Variants in PCSK5 observed in about 807,000 individuals in gnomAD.
PCSK5 encodes the protein prohormone convertase 5.
PCSK5 carries 129 observed loss-of-function variants against 233.2 expected under a neutral mutation model. The observed-to-expected ratio is 0.55, with a 90% confidence interval of 0.48 to 0.64. The LOEUF (loss-of-function observed/expected upper bound fraction) is 0.64, where lower values mean the gene tolerates loss of function less well. Among genes scored for constraint, PCSK5 ranks in the 30% least tolerant of loss-of-function variants. The pLI is 0.00. For missense variants in PCSK5, 2,076 were observed against 2,430.1 expected, an observed-to-expected ratio of 0.85 and a Z score of 3.06; for synonymous variants, 825 against 879.2, an observed-to-expected ratio of 0.94 and a Z score of 1.09.
intron 10 of PCSK5, among the ~76,000 whole-genome samples, chr9:76,136,399 C>A (rs1017833441): frequency 6.6e-6 from 1 of 151,954 alleles, no homozygotes; most frequent in Non-Finnish European, 1.5e-5. Flanking sequence ...GAAATAACAT[C>A]TGAAAGAACA....
intron 26 of PCSK5, among the ~76,000 whole-genome samples, 158 bp from the exon 27 acceptor site, chr9:76,296,507 C>T (rs562751743): frequency 3.3e-5 from 5 of 152,262 alleles, no homozygotes; most frequent in African/African-American, 1.2e-4. Context: ...CATGCCACTG[C>T]ACTTTAGCCT....
rs550518074 is a variant in PCSK5 at position 75,994,400 on chromosome 9, CTTTTTTTTTTTTTTTTTTTTTTT to C, written c.411+8175_411+8197del. ...GTTTCTTTCTTTTCTTTCTTTCTTT[CTTTTTTTTTTTTTTTTTTTTTTT>C]TTTTTTTTTTTTTTTTTTTGAGATG... On this transcript the variant is annotated intron_variant, in intron 3 of 37. Coordinates refer to ENST00000674117, the MANE Select transcript of PCSK5 (RefSeq NM_001372043.1). Among the ~76,000 whole-genome samples the C allele has an allele frequency of 1.8e-3, 147 of 82,036 alleles. 9 individuals carry two copies. In the Middle Eastern group the frequency reaches 0.019, roughly 10 times the overall value. The allele number at this position is 82,036 out of a possible 152,430, so 53.8% of individuals were successfully genotyped here. A position where few individuals can be genotyped will look rare whatever the true frequency, so the allele number is the denominator to read the frequency against.
intron 20 of PCSK5, among the ~76,000 whole-genome samples, chr9:76,196,463 G>A (rs1421750137): frequency 6.6e-6 from 1 of 152,236 alleles, no homozygotes; most frequent in Non-Finnish European, 1.5e-5. Context: ...AACAGCAGTG[G>A]AGTATAGATC....
At chr9:76,156,916 T>G in intron 10 of PCSK5, 129 bp from the exon 11 acceptor site, 1 of 687,630 alleles carries the variant, frequency 1.5e-6, no homozygotes, top group Admixed American at 2.2e-5. Flanking sequence ...TTTGCTGGAT[T>G]TATTTCTCAA....
Position 76,071,776 on chromosome 9 carries a change from G to T in PCSK5, c.772G>T (p.Val258Phe). ...CACGGACATGGTTGAAGCAAAATCA[G>T]TTAGCTTCAACCCCCAGCACGTGCA... ...DVTDMVEAKS[V>F]SFNPQHVHIY... Residue 258 changes from valine (V) to phenylalanine (F), a missense_variant, in exon 7 of 38, where the codon GTT (valine) becomes TTT (phenylalanine). Val to Phe is a conservative substitution (Grantham distance 50). Around this residue, in one of 6 missense-constraint regions of PCSK5, gnomAD observed 178 missense variants for 393.6 expected, o/e 0.45. Transcript: ENST00000674117. 6.2e-7 allele frequency: 1 copy of T among 1,614,074 alleles called. No individual in the cohort carries two copies. The highest frequency in any genetic ancestry group is 8.5e-7 in the Non-Finnish European group (1 of 1,179,976).
At chr9:76,044,176 C>T (rs771366494) in intron 5 of PCSK5, among the ~76,000 whole-genome samples, 8 of 151,992 alleles carry the variant, frequency 5.3e-5, no homozygotes, top group Non-Finnish European at 7.4e-5. Flanking sequence ...ATTAGACCAA[C>T]GTAAGGAACA....
At chr9:76,103,072 TG>T (rs1446307984) in intron 8 of PCSK5, among the ~76,000 whole-genome samples, 11 of 152,260 alleles carry the variant, frequency 7.2e-5, no homozygotes, top group Admixed American at 6.5e-4. Context: ...CAGTCATGAC[TG>T]AATTTTACAC....
At chr9:75,916,197 C>T (rs572012167) in intron 1 of PCSK5, among the ~76,000 whole-genome samples, 4 of 152,156 alleles carry the variant, frequency 2.6e-5, no homozygotes, top group Admixed American at 1.3e-4. Flanking sequence ...ACTCCAAGAA[C>T]GAATATGTAC....
At chr9:76,351,838 G>A (rs1371300710) in intron 36 of PCSK5, among the ~76,000 whole-genome samples, 1 of 151,800 alleles carries the variant, frequency 6.6e-6, no homozygotes, top group Admixed American at 6.6e-5. Flanking sequence ...CCTGGGCTCA[G>A]GTGATCCTCC....
chr9:76,191,683 C>T (rs930888251), intron 20 of PCSK5, among the ~76,000 whole-genome samples: 1 of 152,104 alleles, frequency 6.6e-6, no homozygotes, highest in African/African-American at 2.4e-5. Context: ...GTTTTCTCGC[C>T]AGGGCTGATT....
chr9:76,168,597 T>G (rs1823189762), intron 12 of PCSK5, among the ~76,000 whole-genome samples: 1 of 152,184 alleles, frequency 6.6e-6, no homozygotes. Flanking sequence ...AGGAAGAGAT[T>G]TTAAACTGCA....
chr9:76,311,905 G>A (rs1828874935), intron 30 of PCSK5, among the ~76,000 whole-genome samples: 1 of 152,060 alleles, frequency 6.6e-6, no homozygotes, highest in Admixed American at 6.5e-5. Context: ...GCCAGGAAAG[G>A]GGATGTTTCC....
intron 5 of PCSK5, among the ~76,000 whole-genome samples, chr9:76,061,216 A>G (rs1413399061): frequency 6.6e-6 from 1 of 152,206 alleles, no homozygotes; most frequent in East Asian, 1.9e-4. Flanking sequence ...TGGAGAATAT[A>G]CATCATTTTC....
At chr9:76,141,575 G>A (rs915205657) in intron 10 of PCSK5, among the ~76,000 whole-genome samples, 4 of 152,064 alleles carry the variant, frequency 2.6e-5, no homozygotes, top group Non-Finnish European at 5.9e-5. Context: ...CACCACAGTC[G>A]AGTTATAGAA....
intron 20 of PCSK5, chr9:76,209,601 C>A (rs576210399): frequency 9.9e-6 from 5 of 506,902 alleles, no homozygotes; most frequent in Non-Finnish European, 2.0e-5. Context: ...GCATCCCTAA[C>A]GTCCAATAGT....
At chr9:76,230,627 T>C (rs1295296402) in intron 21 of PCSK5, among the ~76,000 whole-genome samples, 1 of 152,220 alleles carries the variant, frequency 6.6e-6, no homozygotes, top group Non-Finnish European at 1.5e-5. Flanking sequence ...AAGTGAAGCC[T>C]CGTCTGTATT....
intron 3 of PCSK5, among the ~76,000 whole-genome samples, chr9:76,005,913 G>A (rs189777366): frequency 2.0e-5 from 3 of 150,878 alleles, no homozygotes; most frequent in Non-Finnish European, 2.9e-5. Context: ...TGGCACAATC[G>A]TAGCTCACTG....
intron 7 of PCSK5, among the ~76,000 whole-genome samples, chr9:76,088,462 G>C (rs1427048070): frequency 2.0e-5 from 3 of 152,146 alleles, no homozygotes; most frequent in Non-Finnish European, 4.4e-5. Flanking sequence ...GTTATTCTGA[G>C]AGCACAATTA....
At chr9:75,948,336 T>C (rs372297547) in intron 2 of PCSK5, among the ~76,000 whole-genome samples, 23 of 42,742 alleles carry the variant, frequency 5.4e-4, no homozygotes, top group African/African-American at 2.0e-3. Flanking sequence ...AAAGGCCCCA[T>C]TGTGTGATGT....
Sources: allele counts gnomAD v4.1 joint callset (sites outside exome capture counted in the v4.1 genomes callset), GRCh38; gene constraint gnomAD v4.1.1; regional missense constraint gnomAD v4.1.1; transcripts MANE v1.5; gene names NCBI Gene and HGNC (gene_info 2026-07-23, HGNC 2026-07-21).